ACKR3: variants seen among roughly 807,000 people sequenced by gnomAD.
ACKR3 encodes the protein atypical chemokine receptor 3.
Under a neutral mutation model 22.4 loss-of-function variants are expected in ACKR3, and 6 were observed. The ratio of observed to expected loss-of-function variants is 0.27; its 90% CI spans 0.15 to 0.53. The LOEUF (loss-of-function observed/expected upper bound fraction) is 0.53. Among genes scored for constraint, ACKR3 ranks in the 20% least tolerant of loss-of-function variants. The pLI, the probability that ACKR3 is intolerant of heterozygous loss-of-function variation, is 0.96. For synonymous variants in ACKR3, 209 were observed against 205.2 expected (o/e 1.02, Z -0.16); for missense variants, 396 against 475.2 (o/e 0.83, Z 1.55).
chr2:236,563,200 A>T (rs1691106340), upstream of ACKR3, among the ~76,000 whole-genome samples: 1 of 152,202 alleles, frequency 6.6e-6, no homozygotes. Context: ...CCATATTTCC[A>T]TGATGAAGCA....
chr2:236,549,609 G>T, the ACKR3 span, among the ~76,000 whole-genome samples: 1 of 152,200 alleles, frequency 6.6e-6, no homozygotes, highest in Non-Finnish European at 1.5e-5. The surrounding 1 kb of genome is among the most constrained non-coding windows in gnomAD (Gnocchi z 5.3). Flanking sequence ...GTTCATTAGG[G>T]CAGCACCCTC....
At chr2:236,540,255 T>G in the ACKR3 span, among the ~76,000 whole-genome samples, 12 of 152,238 alleles carry the variant, frequency 7.9e-5, no homozygotes, top group African/African-American at 2.7e-4. Context: ...AGAATTGTGG[T>G]TCTAATTTGT....
upstream of ACKR3, chr2:236,567,746 C>CGGAACTAGGGGACGGGT (rs1691216354): frequency 6.6e-6 from 1 of 152,336 alleles, no homozygotes; most frequent in African/African-American, 2.4e-5. Context: ...CCCCGCCCGG[C>CGGAACTAGGGGACGGGT]GGAACTAGGG....
the ACKR3 span, among the ~76,000 whole-genome samples, chr2:236,559,997 A>C: frequency 2.6e-5 from 4 of 152,224 alleles, no homozygotes; most frequent in Admixed American, 1.3e-4. Flanking sequence ...AGAGAGTGTT[A>C]GCTATTTTTA....
At chr2:236,542,293 A>C in the ACKR3 span, among the ~76,000 whole-genome samples, 1 of 152,224 alleles carries the variant, frequency 6.6e-6, no homozygotes, top group Non-Finnish European at 1.5e-5. Flanking sequence ...CAAGAGCTAA[A>C]AATTAAAGCT....
rs1052672822 is a variant in ACKR3, at chr2:236,574,189, G to A, written c.-27+4265G>A. Among the ~76,000 whole-genome samples, 4 of 152,002 alleles carry A rather than the reference G, an allele frequency of 2.6e-5. No individual in the cohort carries two copies. The highest frequency in any genetic ancestry group is 5.9e-5 in the Non-Finnish European group (4 of 67,994). On this transcript the variant is annotated intron_variant, in intron 1 of 1. Coordinates refer to ENST00000272928, the MANE Select transcript of ACKR3 (RefSeq NM_020311.3). This position sits in a 1 kb window ranked among gnomAD's most constrained non-coding sequence, Gnocchi z 5.6. ...CCTCCTGGAACAAGAGGCTCAGTCC[G>A]TCAACACCAGCTCGGTGACGATTTC...
chr2:236,556,725 G>A, the ACKR3 span, among the ~76,000 whole-genome samples: 1 of 152,218 alleles, frequency 6.6e-6, no homozygotes, highest in Non-Finnish European at 1.5e-5. Context: ...GTCTCACTCT[G>A]TTGCCCAGGC....
the ACKR3 span, among the ~76,000 whole-genome samples, chr2:236,561,212 T>C: frequency 6.6e-6 from 1 of 151,958 alleles, no homozygotes; most frequent in Non-Finnish European, 1.5e-5. Flanking sequence ...TGTATAACAT[T>C]ATATCTAGTC....
chr2:236,570,512 T>C (rs1293248618), intron 1 of ACKR3, among the ~76,000 whole-genome samples: 1 of 152,218 alleles, frequency 6.6e-6, no homozygotes, highest in Non-Finnish European at 1.5e-5. Flanking sequence ...CCGGAAGCTA[T>C]AAACGTGAAT....
the ACKR3 span, among the ~76,000 whole-genome samples, chr2:236,541,464 T>C: frequency 6.6e-6 from 1 of 152,210 alleles, no homozygotes; most frequent in African/African-American, 2.4e-5. Context: ...AATGTGCATC[T>C]AAGTCAAAAT....
At chr2:236,578,144 G>A (rs1106166) in intron 1 of ACKR3, among the ~76,000 whole-genome samples, 19,216 of 152,218 alleles carry the variant, frequency 0.13, 1,881 homozygotes, top group African/African-American at 0.27. Flanking sequence ...TCAGCTCTGG[G>A]TCATTTGGTG....
At position 236,574,919 on chromosome 2, in the gene ACKR3, G is replaced by A. The variant is rs1037764944; in HGVS notation, c.-27+4995G>A. ...CCCTTTGCAGGCCATAGGCTGGCAG[G>A]GATGGAGGGCTGGACAGGTGCTTGC... On this transcript the variant is annotated intron_variant, in intron 1 of 1. Transcript: ENST00000272928. The surrounding 1 kb of genome is among the most constrained non-coding windows in gnomAD (Gnocchi z 5.6). Among the ~76,000 whole-genome samples, 3 of 152,164 alleles carry A rather than the reference G, an allele frequency of 2.0e-5. No individual in the cohort carries two copies. The highest frequency in any genetic ancestry group is 7.2e-5 in the African/African-American group (3 of 41,426).
At chr2:236,538,639 TTGA>T in the ACKR3 span, among the ~76,000 whole-genome samples, 2 of 152,344 alleles carry the variant, frequency 1.3e-5, no homozygotes, top group Admixed American at 1.3e-4. Flanking sequence ...AGTGGACCTC[TTGA>T]TGAGTAGATA....
At chr2:236,561,719 T>A in the ACKR3 span, among the ~76,000 whole-genome samples, 2 of 152,226 alleles carry the variant, frequency 1.3e-5, no homozygotes, top group African/African-American at 4.8e-5. Flanking sequence ...CTCAAACCCC[T>A]GATCTCTGGT....
chr2:236,578,400 G>A (rs1052591830), intron 1 of ACKR3, among the ~76,000 whole-genome samples: 19 of 152,318 alleles, frequency 1.2e-4, no homozygotes, highest in Middle Eastern at 3.4e-3. Flanking sequence ...TCATAAGTCC[G>A]TGGTCACAGG....
chr2:236,576,419 G>A (rs1559472560), intron 1 of ACKR3, among the ~76,000 whole-genome samples: 1 of 152,180 alleles, frequency 6.6e-6, no homozygotes, highest in Non-Finnish European at 1.5e-5. Flanking sequence ...AGGGCCCGCT[G>A]GGGGTTCATT....
the ACKR3 span, among the ~76,000 whole-genome samples, chr2:236,547,858 G>A: frequency 2.0e-5 from 3 of 147,144 alleles, no homozygotes; most frequent in Non-Finnish European, 3.0e-5. Context: ...TTTTTACAGC[G>A]TATCTGGGTG....
chr2:236,545,881 C>T, the ACKR3 span, among the ~76,000 whole-genome samples: 1 of 152,052 alleles, frequency 6.6e-6, no homozygotes, highest in African/African-American at 2.4e-5. This position sits in a 1 kb window ranked among gnomAD's most constrained non-coding sequence, Gnocchi z 5.3. Context: ...TTTCACACAC[C>T]GAAAACATAC....
At chr2:236,543,242 G>A in the ACKR3 span, among the ~76,000 whole-genome samples, 1 of 152,194 alleles carries the variant, frequency 6.6e-6, no homozygotes, top group Non-Finnish European at 1.5e-5. Context: ...ATCTCTCTTG[G>A]ACTCAGGGGA....
Sources: gnomAD v4.1 joint callset for allele counts (sites outside exome capture counted in the v4.1 genomes callset) on GRCh38, gnomAD v4.1.1 for gene constraint, Gnocchi (gnomAD v3.1) non-coding constraint, MANE v1.5 for transcripts, NCBI Gene and HGNC (gene_info 2026-07-23, HGNC 2026-07-21) for gene names.